The following TBC1D5 variants were observed in gnomAD, a reference collection of about 807,000 sequenced individuals.
The protein encoded by TBC1D5 is TBC1 domain family, member 5.
In TBC1D5, 75 loss-of-function variants were observed where a neutral mutation model predicts 100.3. The observed-to-expected ratio is 0.75, with a 90% CI of 0.62 to 0.91. The LOEUF (loss-of-function observed/expected upper bound fraction) is 0.91. TBC1D5 is among the 40% of genes least tolerant of loss of function. TBC1D5 has a pLI of 0.00. For missense variants in TBC1D5, 910 were observed against 942.4 expected, an observed-to-expected ratio of 0.97 and a Z score of 0.45; for synonymous variants, 323 against 325.6, an observed-to-expected ratio of 0.99 and a Z score of 0.09.
At chr3:17,187,987 A>T (rs1401256185) in intron 18 of TBC1D5, among the ~76,000 whole-genome samples, 2 of 152,202 alleles carry the variant, frequency 1.3e-5, no homozygotes, top group African/African-American at 4.8e-5. Context: ...ACCTGAATGG[A>T]TTCATTTTCT....
intron 15 of TBC1D5, among the ~76,000 whole-genome samples, chr3:17,266,650 G>A (rs1204503765): frequency 1.3e-5 from 2 of 151,924 alleles, no homozygotes; most frequent in Admixed American, 6.6e-5. Flanking sequence ...CAAAATGTGT[G>A]AATACAATGC....
chr3:17,421,376 C>CA (rs2094203908), intron 4 of TBC1D5, among the ~76,000 whole-genome samples: 1 of 151,944 alleles, frequency 6.6e-6, no homozygotes, highest in South Asian at 2.1e-4. Flanking sequence ...AATCTAAGAA[C>CA]AAACAAGATG....
chr3:17,222,940 A>G (rs1011170306), intron 17 of TBC1D5, among the ~76,000 whole-genome samples: 1 of 151,926 alleles, frequency 6.6e-6, no homozygotes, highest in African/African-American at 2.4e-5. Context: ...CATTTTGGGG[A>G]CCATTATAAC....
intron 4 of TBC1D5, 22 bp from the exon 5 acceptor site, chr3:17,406,548 A>AT: frequency 1.3e-6 from 2 of 1,590,460 alleles, no homozygotes; most frequent in Non-Finnish European, 1.7e-6. Flanking sequence ...AAACCAAAGC[A>AT]TGAGAATCCT....
chr3:17,497,211 A>G (rs2095722868), intron 3 of TBC1D5, among the ~76,000 whole-genome samples: 1 of 152,072 alleles, frequency 6.6e-6, no homozygotes, highest in Non-Finnish European at 1.5e-5. Context: ...ACCTTCTCAG[A>G]GAGATCTTCT....
intron 15 of TBC1D5, among the ~76,000 whole-genome samples, chr3:17,266,562 C>T (rs929137011): frequency 4.6e-5 from 7 of 151,988 alleles, no homozygotes; most frequent in Non-Finnish European, 7.4e-5. Flanking sequence ...ATTTCATATA[C>T]TTAGTATAAA....
chr3:17,439,391 C>T (rs1312268228), intron 3 of TBC1D5, among the ~76,000 whole-genome samples: 1 of 152,150 alleles, frequency 6.6e-6, no homozygotes, highest in East Asian at 1.9e-4. Context: ...ACTTAAAAAG[C>T]ATAAATGGCA....
intron 1 of TBC1D5, among the ~76,000 whole-genome samples, chr3:17,729,016 TAAAAA>T (rs34461809): frequency 2.1e-3 from 63 of 29,584 alleles, no homozygotes; most frequent in Admixed American, 4.1e-3. Context: ...TGAAAATCAG[TAAAAA>T]AAAAAAAAAA....
At chr3:17,628,171 C>T (rs546414502) in intron 1 of TBC1D5, among the ~76,000 whole-genome samples, 2 of 152,156 alleles carry the variant, frequency 1.3e-5, no homozygotes, top group Admixed American at 6.5e-5. Flanking sequence ...GAGTTTAAGA[C>T]CAGCCTGGCC....
At chr3:17,681,913 T>C (rs1413322340) in intron 1 of TBC1D5, among the ~76,000 whole-genome samples, 1 of 151,536 alleles carries the variant, frequency 6.6e-6, no homozygotes, top group African/African-American at 2.5e-5. Flanking sequence ...CAGCATTAGA[T>C]TCTCATACGA....
intron 2 of TBC1D5, among the ~76,000 whole-genome samples, chr3:17,567,571 A>C (rs1324581115): frequency 6.6e-6 from 1 of 151,746 alleles, no homozygotes; most frequent in African/African-American, 2.4e-5. Flanking sequence ...GAATACATTA[A>C]TACAGATATG....
At chr3:17,563,992 C>T (rs974001172) in intron 2 of TBC1D5, among the ~76,000 whole-genome samples, 2 of 152,150 alleles carry the variant, frequency 1.3e-5, no homozygotes, top group South Asian at 2.1e-4. Flanking sequence ...CCGTGTTAGC[C>T]AGGATGGTCT....
intron 1 of TBC1D5, among the ~76,000 whole-genome samples, chr3:17,630,492 C>T (rs369698902): frequency 4.6e-5 from 7 of 152,074 alleles, no homozygotes; most frequent in Admixed American, 4.6e-4. Context: ...GTTGGGGCAC[C>T]ACAAACCACA....
chr3:17,658,778 T>C (rs2066355158), intron 1 of TBC1D5, among the ~76,000 whole-genome samples: 1 of 152,160 alleles, frequency 6.6e-6, no homozygotes, highest in Non-Finnish European at 1.5e-5. Flanking sequence ...TTCTCGTGCC[T>C]CAGCCTCCCG....
intron 1 of TBC1D5, among the ~76,000 whole-genome samples, chr3:17,668,049 T>C (rs1449539543): frequency 6.6e-6 from 1 of 151,202 alleles, no homozygotes; most frequent in African/African-American, 2.4e-5. Flanking sequence ...AACAACATTC[T>C]ACATATGATT....
At chr3:17,483,419 G>A (rs1020709316) in intron 3 of TBC1D5, among the ~76,000 whole-genome samples, 3 of 151,986 alleles carry the variant, frequency 2.0e-5, no homozygotes, top group African/African-American at 4.8e-5. Flanking sequence ...CTTGGCAATA[G>A]CAAATGGCTC....
chr3:17,421,954 G>A (rs1411201106), intron 4 of TBC1D5, among the ~76,000 whole-genome samples: 1 of 152,106 alleles, frequency 6.6e-6, no homozygotes, highest in Non-Finnish European at 1.5e-5. Flanking sequence ...CAGGAAAGGA[G>A]CACTAATTCT....
At chr3:17,170,538 G>C (rs1386869786) in intron 19 of TBC1D5, among the ~76,000 whole-genome samples, 1 of 152,110 alleles carries the variant, frequency 6.6e-6, no homozygotes, top group East Asian at 1.9e-4. Flanking sequence ...GTCTGCTGTG[G>C]AACACATCCT....
chr3:17,694,901 G>A (rs560092158), intron 1 of TBC1D5, among the ~76,000 whole-genome samples: 79 of 152,256 alleles, frequency 5.2e-4, no homozygotes, highest in Admixed American at 1.1e-3. Context: ...CGGACCTCTC[G>A]GCAGAAACCC....
Sources: allele counts gnomAD v4.1 joint callset (sites outside exome capture counted in the v4.1 genomes callset), GRCh38; gene constraint gnomAD v4.1.1; transcripts MANE v1.5; gene names NCBI Gene and HGNC (gene_info 2026-07-23, HGNC 2026-07-21).